FAM169A: variants seen among roughly 807,000 people sequenced by gnomAD.
FAM169A encodes the protein family with sequence similarity 169 member A.
In FAM169A, 24 loss-of-function variants were observed where a neutral mutation model predicts 75.7. That is an observed-to-expected ratio of 0.32 (90% CI 0.23 to 0.45). The LOEUF (loss-of-function observed/expected upper bound fraction) is 0.45, where lower values mean the gene tolerates loss of function less well. Ranked by LOEUF, FAM169A falls within the 20% of genes least tolerant of loss-of-function variation. The probability of loss-of-function intolerance (pLI) is 1.00; values close to 1 mark genes in which losing one functional copy is unlikely to be tolerated. For missense variants in FAM169A, 673 were observed against 784.0 expected (o/e 0.86, Z 1.69); for synonymous variants, 271 against 271.0 (o/e 1.00, Z 0.00).
At chr5:74,818,204 G>A (rs1228968529) in intron 5 of FAM169A, among the ~76,000 whole-genome samples, 12 of 152,068 alleles carry the variant, frequency 7.9e-5, no homozygotes, top group South Asian at 4.1e-4. Context: ...GAACATCATC[G>A]AGAAAGTAAG....
intron 1 of FAM169A, among the ~76,000 whole-genome samples, chr5:74,859,579 C>T (rs1192852013): frequency 6.6e-6 from 1 of 152,150 alleles, no homozygotes; most frequent in Admixed American, 6.5e-5. Context: ...TGAGCCACCA[C>T]GCCCGGCGAA....
At chr5:74,839,330 G>A (rs914687569) in intron 3 of FAM169A, among the ~76,000 whole-genome samples, 13 of 151,912 alleles carry the variant, frequency 8.6e-5, no homozygotes, top group African/African-American at 2.7e-4. Flanking sequence ...TTCGATCATG[G>A]GTCAGGGTGG....
At chr5:74,795,885 CCTTG>C in intron 11 of FAM169A, 141 bp downstream of exon 11, 1 of 685,064 alleles carries the variant, frequency 1.5e-6, no homozygotes, top group Non-Finnish European at 2.3e-6. Context: ...TAGTACCTGA[CCTTG>C]CTTAATATAT....
intron 5 of FAM169A, among the ~76,000 whole-genome samples, chr5:74,833,862 A>AT (rs1426402354): frequency 6.6e-6 from 1 of 152,166 alleles, no homozygotes; most frequent in Non-Finnish European, 1.5e-5. Context: ...AGGTTGCACT[A>AT]TTTTTTAAGG....
chr5:74,799,345 C>T (rs1746444326), intron 10 of FAM169A: 29 of 1,609,032 alleles, frequency 1.8e-5, no homozygotes, highest in South Asian at 4.4e-5. Context: ...AAGTGAAGCA[C>T]GACTCATTTC....
In FAM169A at chr5:74,866,242, G is replaced by T. The variant is rs1372343473; in HGVS notation, c.-81C>A. ...GCGCGAATGAATGGAGCCGGCGGCT[G>T]CTCGCTGGCGACCTCCGGCCGGTCC... On this transcript the variant is annotated 5_prime_UTR_variant, in exon 1 of 13. Transcript: ENST00000687041. The T allele has an allele frequency of 2.0e-6, 2 of 983,568 alleles. No individual in the cohort carries two copies. The highest frequency in any genetic ancestry group is 2.3e-4 in the East Asian group (2 of 8,784). 60.9% of individuals were successfully genotyped at this position (983,568 alleles called of 1,614,324 possible).
chr5:74,821,139 T>A (rs1747747235), intron 5 of FAM169A, among the ~76,000 whole-genome samples: 2 of 152,242 alleles, frequency 1.3e-5, no homozygotes, highest in African/African-American at 2.4e-5. Flanking sequence ...TACTTGTCCA[T>A]TCATTGCTAT....
chr5:74,850,648 T>A lies in FAM169A; in HGVS notation c.-3-8969A>T, dbSNP rs192519281. On this transcript the variant is annotated intron_variant, in intron 1 of 12. Transcript: ENST00000687041. ...TACAGAACACATAGAGGAAAATTCC[T>A]TCTGGTTGAGAAAGGAATAAACTGC... Among the ~76,000 whole-genome samples the A allele has an allele frequency of 2.0e-3, 306 of 152,322 alleles. 1 individual carries two copies. Among genetic ancestry groups the A allele is most frequent in the Middle Eastern group, 0.014 (4 of 294 alleles).
intron 1 of FAM169A, among the ~76,000 whole-genome samples, chr5:74,844,315 A>T (rs930493280): frequency 6.6e-6 from 1 of 152,074 alleles, no homozygotes; most frequent in Non-Finnish European, 1.5e-5. Flanking sequence ...TATGAAAATT[A>T]GCCGGGTATG....
At chr5:74,858,301 T>C (rs529840194) in intron 1 of FAM169A, among the ~76,000 whole-genome samples, 1 of 152,200 alleles carries the variant, frequency 6.6e-6, no homozygotes, top group Admixed American at 6.5e-5. Context: ...GGCAAGAGAA[T>C]TGCTTGAAGC....
At chr5:74,787,859 G>A (rs998695108) in intron 11 of FAM169A, among the ~76,000 whole-genome samples, 16 of 151,338 alleles carry the variant, frequency 1.1e-4, no homozygotes, top group Admixed American at 3.9e-4. Context: ...CAGGTCGAGT[G>A]GACAAAAGAC....
intron 6 of FAM169A, among the ~76,000 whole-genome samples, chr5:74,809,987 C>T (rs1747092286): frequency 6.6e-6 from 1 of 152,220 alleles, no homozygotes; most frequent in East Asian, 1.9e-4. Context: ...TAGGTATTCG[C>T]TACAAAGAAA....
At chr5:74,864,323 TG>T (rs1002392366) in intron 1 of FAM169A, among the ~76,000 whole-genome samples, 22 of 152,206 alleles carry the variant, frequency 1.4e-4, no homozygotes, top group African/African-American at 5.1e-4. Context: ...CTCTGCCTCC[TG>T]GGTTCAAGTG....
chr5:74,861,197 C>T (rs1750018370), intron 1 of FAM169A, among the ~76,000 whole-genome samples: 1 of 152,110 alleles, frequency 6.6e-6, no homozygotes, highest in African/African-American at 2.4e-5. Context: ...AAATTGTGTG[C>T]ATTTAGACTT....
chr5:74,781,638 TCTGA>T lies in FAM169A; in HGVS notation c.1831_1834del (p.Ser611ArgfsTer29). 6.2e-7 allele frequency: 1 copy of T among 1,614,204 alleles called. No homozygotes were observed. Among genetic ancestry groups the T allele is most frequent in the Non-Finnish European group, 8.5e-7 (1 of 1,180,024 alleles). On this transcript the variant is annotated frameshift_variant, in exon 13 of 13. Transcript: ENST00000687041. LOFTEE classifies it high-confidence loss of function. ...CTCGGAAGATGCTTCAGACTGCTCC[TCTGA>T]CTGATTCTTCTGTCCTGCATTCTGT...
chr5:74,790,677 G>A (rs879233386), intron 11 of FAM169A, among the ~76,000 whole-genome samples: 5 of 152,180 alleles, frequency 3.3e-5, no homozygotes, highest in Admixed American at 3.3e-4. Flanking sequence ...ATGGGTCCAT[G>A]AACAAAGTGG....
intron 6 of FAM169A, among the ~76,000 whole-genome samples, chr5:74,810,974 ATTTTTT>A (rs764689046): frequency 6.0e-5 from 6 of 99,870 alleles, no homozygotes; most frequent in African/African-American, 1.6e-4. Context: ...CTAGGCCTGG[ATTTTTT>A]TTTTTTTTTT....
intron 11 of FAM169A, among the ~76,000 whole-genome samples, chr5:74,783,834 A>C (rs1293381752): frequency 6.6e-6 from 1 of 152,224 alleles, no homozygotes; most frequent in African/African-American, 2.4e-5. Flanking sequence ...CTAATAATTA[A>C]GGGGAATTTT....
chr5:74,797,742 C>T (rs1004824074), intron 10 of FAM169A, among the ~76,000 whole-genome samples: 1 of 152,210 alleles, frequency 6.6e-6, no homozygotes, highest in Non-Finnish European at 1.5e-5. Flanking sequence ...ATTTCCATCA[C>T]TGCAGAAAGT....
Sources: allele counts gnomAD v4.1 joint callset (sites outside exome capture counted in the v4.1 genomes callset), GRCh38; gene constraint gnomAD v4.1.1; transcripts MANE v1.5; gene names NCBI Gene and HGNC (gene_info 2026-07-23, HGNC 2026-07-21).